Variants in EIF2S1 observed in about 807,000 individuals in gnomAD.
The protein encoded by EIF2S1 is eukaryotic translation initiation factor 2 subunit 1.
EIF2S1 carries 5 observed loss-of-function variants against 33.5 expected under a neutral mutation model. The ratio of observed to expected loss-of-function variants is 0.15; its 90% CI spans 0.08 to 0.31. The LOEUF is 0.31. Ranked by LOEUF, EIF2S1 falls within the 10% of genes least tolerant of loss-of-function variation. The pLI is 1.00. For missense variants in EIF2S1, 191 were observed against 384.6 expected, an observed-to-expected ratio of 0.50 and a Z score of 4.21; for synonymous variants, 99 against 127.5, an observed-to-expected ratio of 0.78 and a Z score of 1.51.
At chr14:67,369,941 G>T (rs1457450050) in intron 2 of EIF2S1, among the ~76,000 whole-genome samples, 1 of 152,132 alleles carries the variant, frequency 6.6e-6, no homozygotes, top group Non-Finnish European at 1.5e-5. Flanking sequence ...GAAATCAGGG[G>T]TCTCACAGCC....
chr14:67,381,556 G>A (rs1468980231), intron 5 of EIF2S1, 37 bp from the exon 6 acceptor site: 1 of 1,514,272 alleles, frequency 6.6e-7, no homozygotes, highest in East Asian at 2.3e-5. Context: ...AATATTTTTT[G>A]CATTTTTTAT....
At chr14:67,370,876 T>C (rs2085816203) in intron 2 of EIF2S1, among the ~76,000 whole-genome samples, 1 of 151,488 alleles carries the variant, frequency 6.6e-6, no homozygotes, top group African/African-American at 2.4e-5. Context: ...AGTAGAAAAA[T>C]TACCCAGGCA....
At chr14:67,366,709 T>G (rs1054631400) in intron 2 of EIF2S1, among the ~76,000 whole-genome samples, 1 of 152,192 alleles carries the variant, frequency 6.6e-6, no homozygotes, top group Non-Finnish European at 1.5e-5. Flanking sequence ...TATGTCCTCC[T>G]AGACAAGCCT....
At chr14:67,365,396 G>T (rs578067293) in intron 2 of EIF2S1, among the ~76,000 whole-genome samples, 2 of 152,312 alleles carry the variant, frequency 1.3e-5, no homozygotes, top group African/African-American at 4.8e-5. Flanking sequence ...AGATCACTGG[G>T]TAAGCATGAA....
At position 67,385,011 on chromosome 14, in the gene EIF2S1, T is replaced by C. The variant is rs760722027; in HGVS notation, c.*1571T>C. ...TTTTGTTTACTGAAATTTGTTATAC[T>C]TCAAAAGCCATAACTTGAAAAATAC... On this transcript the variant is annotated 3_prime_UTR_variant, in exon 8 of 8. Transcript: ENST00000256383. 2 of 152,228 alleles carry C rather than the reference T, an allele frequency of 1.3e-5. No homozygotes were observed. The highest frequency in any genetic ancestry group is 2.9e-5 in the Non-Finnish European group (2 of 68,036). The allele number at this position is 152,228 out of a possible 1,614,324, so 9.4% of individuals were successfully genotyped here. A position where few individuals can be genotyped will look rare whatever the true frequency, so the allele number is the denominator to read the frequency against.
Position 67,365,102 on chromosome 14 carries a change from A to G in EIF2S1, c.241+94A>G, listed in dbSNP as rs552205387. 6.7e-6 allele frequency: 9 copies of G among 1,346,880 alleles called. No homozygotes were observed. In the African/African-American group the frequency reaches 7.4e-5, roughly 11 times the overall value. 83.4% of individuals were successfully genotyped at this position (1,346,880 alleles called of 1,614,324 possible). Reference sequence around the variant, plus strand: ...GTAAATTGCAAGCTGCAGCTTAAAAAAAAAAGCTCCTTTTATACTTAAACC... The same window carrying G: ...GTAAATTGCAAGCTGCAGCTTAAAAGAAAAAGCTCCTTTTATACTTAAACC... On this transcript the variant is annotated intron_variant, in intron 2 of 7. Coordinates refer to ENST00000256383, the MANE Select transcript of EIF2S1 (RefSeq NM_004094.5).
chr14:67,375,232 CTGTGTGTGTG>C (rs3067321), intron 3 of EIF2S1, among the ~76,000 whole-genome samples: 11,241 of 137,610 alleles, frequency 0.082, 719 homozygotes, highest in African/African-American at 0.18. Context: ...ATCCTCAGTT[CTGTGTGTGTG>C]TGTGTGTGTG....
chr14:67,360,917 AC>A (rs2085733065), intron 1 of EIF2S1, among the ~76,000 whole-genome samples: 2 of 152,114 alleles, frequency 1.3e-5, no homozygotes, highest in Non-Finnish European at 2.9e-5. Flanking sequence ...CTGGCCTCTT[AC>A]CTGAGAAACC....
In EIF2S1 at chr14:67,373,298, A is replaced by G. The variant is rs1242079956; in HGVS notation, c.242-1170A>G. Among the ~76,000 whole-genome samples the G allele has an allele frequency of 2.0e-5, 3 of 152,336 alleles. No homozygotes were observed. The South Asian group carries it at 6.2e-4, about 32-fold the overall frequency. On this transcript the variant is annotated intron_variant, in intron 2 of 7. Transcript: ENST00000256383. ...TTTTAAACACAAAGAACTTAACACT[A>G]AAAGTGGTGAATTTTACTATATGTA...
chr14:67,365,964 A>C lies in EIF2S1; in HGVS notation c.241+956A>C, dbSNP rs1247216388. ...CATGGATTGTTTTAAATGTTTTGCTATGACTTAGCTATAGCCCCGCCCAAA... is the reference window on the plus strand; with the variant it reads ...CATGGATTGTTTTAAATGTTTTGCTCTGACTTAGCTATAGCCCCGCCCAAA... On this transcript the variant is annotated intron_variant, in intron 2 of 7. Transcript: ENST00000256383. Among the ~76,000 whole-genome samples the C allele has an allele frequency of 2.0e-5, 3 of 152,294 alleles. No individual in the cohort carries two copies. In the South Asian group the frequency reaches 6.2e-4, roughly 32 times the overall value.
rs1331884810 is a variant in EIF2S1 at position 67,383,928 on chromosome 14, T to C, written c.*488T>C. 5.4e-6 allele frequency: 1 copy of C among 184,546 alleles called. No individual in the cohort carries two copies. Among genetic ancestry groups the C allele is most frequent in the Admixed American group, 5.5e-5 (1 of 18,218 alleles). 11.4% of individuals were successfully genotyped at this position (184,546 alleles called of 1,614,324 possible). ...ATACTAAGACCCTAATTCTTTTATC[T>C]TTATTTTAGTCTTGATGTGGAACTG... On this transcript the variant is annotated 3_prime_UTR_variant, in exon 8 of 8. Coordinates refer to ENST00000256383, the MANE Select transcript of EIF2S1 (RefSeq NM_004094.5).
At chr14:67,374,638 T>C (rs1382144121) in intron 3 of EIF2S1, 91 bp downstream of exon 3, 1 of 815,032 alleles carries the variant, frequency 1.2e-6, no homozygotes, top group African/African-American at 1.7e-5. Flanking sequence ...TACCTTAAAG[T>C]ATTGCTTATG....
chr14:67,380,840 A>G (rs1566617284), intron 5 of EIF2S1, 75 bp downstream of exon 5: 2 of 728,508 alleles, frequency 2.7e-6, no homozygotes, highest in Non-Finnish European at 4.2e-6. Flanking sequence ...AGACTTACCA[A>G]AGAATATGTT....
chr14:67,370,892 T>C (rs1401387349), intron 2 of EIF2S1, among the ~76,000 whole-genome samples: 1 of 151,834 alleles, frequency 6.6e-6, no homozygotes, highest in African/African-American at 2.4e-5. Context: ...AGGCATGGTG[T>C]TGTGCACCTC....
At chr14:67,382,825 G>C in intron 7 of EIF2S1, 1 of 531,854 alleles carries the variant, frequency 1.9e-6, no homozygotes, top group Non-Finnish European at 3.3e-6. Flanking sequence ...TCTAAAATTT[G>C]ATCTCAGAAT....
At chr14:67,379,830 A>AT in intron 4 of EIF2S1, among the ~76,000 whole-genome samples, 1 of 150,812 alleles carries the variant, frequency 6.6e-6, no homozygotes, top group Admixed American at 6.6e-5. Flanking sequence ...AATTTTTTGT[A>AT]TTTTTAGTAG....
chr14:67,380,598 G>T (rs1198886701), intron 4 of EIF2S1, 61 bp from the exon 5 acceptor site: 1 of 907,302 alleles, frequency 1.1e-6, no homozygotes, highest in Non-Finnish European at 1.6e-6. Flanking sequence ...ATAGTGTTTG[G>T]TTTCACATTT....
At chr14:67,365,811 A>G (rs1354069005) in intron 2 of EIF2S1, among the ~76,000 whole-genome samples, 1 of 150,968 alleles carries the variant, frequency 6.6e-6, no homozygotes. Flanking sequence ...TGGTTTACTG[A>G]TACTTTCTCA....
At chr14:67,381,418 C>T (rs1190597724) in intron 5 of EIF2S1, among the ~76,000 whole-genome samples, 175 bp from the exon 6 acceptor site, 1 of 152,150 alleles carries the variant, frequency 6.6e-6, no homozygotes, top group Admixed American at 6.5e-5. Context: ...TGTTATATTC[C>T]ATCTTTACCA....
Sources: allele counts gnomAD v4.1 joint callset (sites outside exome capture counted in the v4.1 genomes callset), GRCh38; gene constraint gnomAD v4.1.1; transcripts MANE v1.5; gene names NCBI Gene and HGNC (gene_info 2026-07-23, HGNC 2026-07-21).